The following SERPINA11 variants were observed in gnomAD, a reference collection of about 807,000 sequenced individuals.
SERPINA11 encodes serpin family A member 11.
SERPINA11 carries 28 observed loss-of-function variants against 29.4 expected under a neutral mutation model. The observed-to-expected ratio is 0.95, with a 90% CI of 0.70 to 1.30. SERPINA11 has a LOEUF of 1.30. Ranked by LOEUF, SERPINA11 falls within the 50% of genes most tolerant of loss-of-function variation. The pLI, the probability that SERPINA11 is intolerant of heterozygous loss-of-function variation, is 0.00. For missense variants in SERPINA11, 530 were observed against 507.3 expected (o/e 1.04, Z -0.43); for synonymous variants, 253 against 206.6 (o/e 1.22, Z -1.92).
intron 1 of SERPINA11, among the ~76,000 whole-genome samples, chr14:94,450,992 C>T (rs1021601617): frequency 2.0e-5 from 3 of 152,178 alleles, no homozygotes; most frequent in Non-Finnish European, 2.9e-5. Flanking sequence ...TCTCTTCTCC[C>T]TTCAAATCCA....
In SERPINA11 at chr14:94,448,353, AGGGAGTTTCCTACTTTTAGTTCGAGTTTG is replaced by A; in HGVS notation, c.393_421del (p.Lys132ValfsTer40). ...AGGCTTTAGTCGCTTGTCTAGGAAC[AGGGAGTTTCCTACTTTTAGTTCGAGTTTG>A]GGGCTGGGCAGGGCAAGGGTGTGGA... On this transcript the variant is annotated frameshift_variant, in exon 2 of 5. Transcript: ENST00000334708. LOFTEE classifies it high-confidence loss of function. The A allele has an allele frequency of 6.2e-7, 1 of 1,614,214 alleles. No homozygotes were observed. The highest frequency in any genetic ancestry group is 8.5e-7 in the Non-Finnish European group (1 of 1,180,028).
At position 94,442,788 on chromosome 14, in the gene SERPINA11, C is replaced by A; in HGVS notation, c.1087G>T (p.Asp363Tyr). ...GCCTCGGTCCCCTTCTCACTCATGT[C>A]CACCATCGCCTTGTGTGACACCTAG... Reference protein sequence around the residue: ...ISKVSHKAMVDMSEKGTEAGA... With the variant: ...ISKVSHKAMVYMSEKGTEAGA... Residue 363 changes from aspartate (D) to tyrosine (Y), a missense_variant, in exon 5 of 5, where the codon GAC becomes TAC. Physicochemically the swap from Asp to Tyr is radical, Grantham distance 160. Coordinates refer to ENST00000334708, the MANE Select transcript of SERPINA11 (RefSeq NM_001080451.2). The A allele has an allele frequency of 1.9e-6, 3 of 1,609,336 alleles. No homozygotes were observed. The highest frequency in any genetic ancestry group is 8.5e-7 in the Non-Finnish European group (1 of 1,178,100).
intron 1 of SERPINA11, among the ~76,000 whole-genome samples, chr14:94,449,320 A>T (rs1354450761): frequency 6.6e-6 from 1 of 152,166 alleles, no homozygotes; most frequent in Admixed American, 6.5e-5. Flanking sequence ...TGGATGACAG[A>T]GTGAGAACCT....
At chr14:94,449,392 C>CT (rs869214312) in intron 1 of SERPINA11, among the ~76,000 whole-genome samples, 2 of 37,892 alleles carry the variant, frequency 5.3e-5, no homozygotes, top group Non-Finnish European at 1.6e-4. Flanking sequence ...CTCCCTCCCT[C>CT]TTTCTTTCTT....
chr14:94,443,766 T>G (rs889140082), intron 3 of SERPINA11, among the ~76,000 whole-genome samples: 3 of 152,206 alleles, frequency 2.0e-5, no homozygotes, highest in African/African-American at 7.2e-5. Context: ...GGGGCTGTTG[T>G]GAGGATCTGA....
In SERPINA11 at chr14:94,449,156, G is replaced by C. The variant is rs574550067; in HGVS notation, c.-3-379C>G. ...GCTTGAGCCCAGGAGTTTGAGACCAGGCTGGGCAACATAGGGAGACCCCCT... is the reference window on the plus strand; with the variant it reads ...GCTTGAGCCCAGGAGTTTGAGACCACGCTGGGCAACATAGGGAGACCCCCT... On this transcript the variant is annotated intron_variant, in intron 1 of 4. Transcript: ENST00000334708. 3.3e-5 allele frequency among the ~76,000 whole-genome samples: 5 copies of C among 152,192 alleles called. No individual in the cohort carries two copies. The South Asian group carries it at 1.0e-3, about 32-fold the overall frequency.
chr14:94,442,720 G>A lies in SERPINA11; in HGVS notation c.1155C>T (p.Asn385=), dbSNP rs1898365626. The change falls in exon 5 of 5, where the codon AAC becomes AAT. Residue 385 remains asparagine (N), a synonymous_variant. Transcript: ENST00000334708. ...AGTGGGCATGTGGGTCTGACATGGTGTTCAGAGATGGGGGCTGGGAGAGGA... is the reference window on the plus strand; with the variant it reads ...AGTGGGCATGTGGGTCTGACATGGTATTCAGAGATGGGGGCTGGGAGAGGA... The part of the protein sequence containing the change: ...SGLLSQPPSL[N]TMSDPHAHFN... 3 of 1,613,658 alleles carry A rather than the reference G, an allele frequency of 1.9e-6. No homozygotes were observed. The highest frequency in any genetic ancestry group is 8.5e-7 in the Non-Finnish European group (1 of 1,179,856).
chr14:94,442,620 G>T lies in SERPINA11; in HGVS notation c.1255C>A (p.Pro419Thr). 1 of 1,609,054 alleles carries T rather than the reference G, an allele frequency of 6.2e-7. No homozygotes were observed. Among genetic ancestry groups the T allele is most frequent in the Non-Finnish European group, 8.5e-7 (1 of 1,177,420 alleles). ...SLLFLGKVVN[P>T]VAG The stretch of plus-strand genomic sequence containing the variant: ...TCCCACCATGGTTACCCTGCAACTG[G>T]GTTGACAACTTTTCCCAGGAAGAGT... The change falls in exon 5 of 5, where the codon CCA (proline) becomes ACA (threonine). Residue 419 changes from proline to threonine, a missense_variant. Pro to Thr is a conservative substitution (Grantham distance 38). Transcript: ENST00000334708.
chr14:94,449,457 C>CTGTCTTTCT (rs1898534331), intron 1 of SERPINA11, among the ~76,000 whole-genome samples: 2 of 116,428 alleles, frequency 1.7e-5, no homozygotes, highest in African/African-American at 9.2e-5. Context: ...TTCTTTCTTT[C>CTGTCTTTCT]TTTCTTTCTT....
In SERPINA11 at chr14:94,446,364, G is replaced by T; in HGVS notation, c.884C>A (p.Thr295Asn). The T allele has an allele frequency of 6.2e-7, 1 of 1,613,848 alleles. No homozygotes were observed. The highest frequency in any genetic ancestry group is 8.5e-7 in the Non-Finnish European group (1 of 1,179,994). Residue 295 changes from threonine to asparagine, a missense_variant, in exon 3 of 5, where the codon ACC (threonine) becomes AAC (asparagine). Coordinates refer to ENST00000334708, the MANE Select transcript of SERPINA11 (RefSeq NM_001080451.2). ...KQVEAALQPQTLRKWGQLLLP... is the reference protein window; with the variant it reads ...KQVEAALQPQNLRKWGQLLLP... ...GAGCAATTGGCCCCATTTTCTCAGG[G>T]TCTGTGGCTGCAGAGCAGCCTCCAC...
chr14:94,448,829 T>C lies in SERPINA11; in HGVS notation c.-3-52A>G, dbSNP rs867609723. 2.0e-6 allele frequency: 3 copies of C among 1,476,082 alleles called. 1 individual carries two copies. Among genetic ancestry groups the C allele is most frequent in the South Asian group, 2.9e-5 (2 of 67,992 alleles). 91.4% of individuals were successfully genotyped at this position (1,476,082 alleles called of 1,614,324 possible). Reference sequence around the variant, plus strand: ...CTTTTCTCCATAAATAATGTCATGATTCTCTATTGCTCATACCACAAATCC... The same window carrying C: ...CTTTTCTCCATAAATAATGTCATGACTCTCTATTGCTCATACCACAAATCC... On this transcript the variant is annotated intron_variant, in intron 1 of 4. Transcript: ENST00000334708.
At position 94,448,524 on chromosome 14, in the gene SERPINA11, A is replaced by G; in HGVS notation, c.251T>C (p.Leu84Pro). ...TTGGGCCCCAAGAGAGAGCAGGGCC[A>G]GGGTGGTGGAGATGCTCACTGGCGA... ...FFSPVSISTT[L>P]ALLSLGAQAN... Residue 84 changes from leucine to proline, a missense_variant, in exon 2 of 5, where the codon CTG (leucine) becomes CCG (proline). Leu to Pro is a moderately conservative substitution (Grantham distance 98). Transcript: ENST00000334708. 2 of 1,614,190 alleles carry G rather than the reference A, an allele frequency of 1.2e-6. No individual in the cohort carries two copies. The highest frequency in any genetic ancestry group is 1.1e-5 in the South Asian group (1 of 91,080).
At chr14:94,446,109 T>G (rs1029792336) in intron 3 of SERPINA11, among the ~76,000 whole-genome samples, 4 of 152,160 alleles carry the variant, frequency 2.6e-5, no homozygotes, top group African/African-American at 7.2e-5. Flanking sequence ...GGGTAGAAAC[T>G]CAATGAATCT....
intron 1 of SERPINA11, among the ~76,000 whole-genome samples, chr14:94,449,142 G>A (rs1566784404): frequency 6.6e-6 from 1 of 152,156 alleles, no homozygotes; most frequent in Admixed American, 6.5e-5. Flanking sequence ...CTTGAGCCCA[G>A]GAGTTTGAGA....
intron 3 of SERPINA11, 100 bp downstream of exon 3, chr14:94,446,231 C>A (rs1898434584): frequency 8.9e-7 from 1 of 1,124,052 alleles, no homozygotes; most frequent in African/African-American, 1.6e-5. Flanking sequence ...GATGGTGAGC[C>A]TAATCGAGAT....
intron 2 of SERPINA11, 79 bp from the exon 3 acceptor site, chr14:94,446,683 T>A: frequency 7.1e-7 from 1 of 1,414,868 alleles, no homozygotes; most frequent in South Asian, 1.4e-5. Context: ...AAAACCACAG[T>A]TCCTCTTGGC....
chr14:94,443,356 CACTGTTCACT>C, intron 3 of SERPINA11, 131 bp from the exon 4 acceptor site: 1 of 794,462 alleles, frequency 1.3e-6, no homozygotes, highest in Non-Finnish European at 2.0e-6. Context: ...CTTCCCATGA[CACTGTTCACT>C]ATGGCGGACC....
chr14:94,449,405 T>TTTC (rs766382606), intron 1 of SERPINA11, among the ~76,000 whole-genome samples: 1 of 55,170 alleles, frequency 1.8e-5, no homozygotes, highest in African/African-American at 5.3e-5. Flanking sequence ...TCTTTCTTTC[T>TTTC]ATTCTTTCTT....
intron 2 of SERPINA11, 35 bp downstream of exon 2, chr14:94,448,097 G>A: frequency 1.3e-6 from 2 of 1,593,202 alleles, no homozygotes; most frequent in Non-Finnish European, 8.6e-7. Context: ...TACTTGCAGA[G>A]GCAGTGGCAA....
Sources: allele counts gnomAD v4.1 joint callset (sites outside exome capture counted in the v4.1 genomes callset), GRCh38; gene constraint gnomAD v4.1.1; transcripts MANE v1.5; gene names NCBI Gene and HGNC (gene_info 2026-07-23, HGNC 2026-07-21).